DAPK2: variants seen among roughly 807,000 people sequenced by gnomAD.
The protein encoded by DAPK2 is death-associated protein kinase 2.
In DAPK2, 35 loss-of-function variants were observed where a neutral mutation model predicts 44.1. The observed-to-expected ratio is 0.79, with a 90% CI of 0.61 to 1.05. The LOEUF (loss-of-function observed/expected upper bound fraction) is 1.05, where lower values mean the gene tolerates loss of function less well. DAPK2 is among the 50% of genes least tolerant of loss of function. The probability of loss-of-function intolerance (pLI) is 0.00; values close to 1 mark genes in which losing one functional copy is unlikely to be tolerated. For missense variants in DAPK2, 453 were observed against 483.2 expected (o/e 0.94, Z 0.59); for synonymous variants, 174 against 182.6 (o/e 0.95, Z 0.38).
At chr15:63,931,001 G>A (rs542587881) in intron 4 of DAPK2, among the ~76,000 whole-genome samples, 4 of 152,128 alleles carry the variant, frequency 2.6e-5, no homozygotes, top group Admixed American at 6.5e-5. Context: ...GAAGGCTGAC[G>A]CTGCAGTGAG....
chr15:64,025,046 C>G (rs2079799763), intron 1 of DAPK2, among the ~76,000 whole-genome samples: 1 of 152,180 alleles, frequency 6.6e-6, no homozygotes, highest in Middle Eastern at 3.4e-3. Flanking sequence ...AGTAAACCAC[C>G]AAGAGACCCA....
chr15:64,041,038 C>A (rs1385694123), upstream of DAPK2, among the ~76,000 whole-genome samples: 1 of 151,748 alleles, frequency 6.6e-6, no homozygotes, highest in African/African-American at 2.4e-5. Context: ...ACTGTAAAAT[C>A]AACTTCAAGT....
chr15:63,951,479 C>T (rs548266371), intron 3 of DAPK2, among the ~76,000 whole-genome samples: 6 of 152,230 alleles, frequency 3.9e-5, no homozygotes, highest in Non-Finnish European at 8.8e-5. Flanking sequence ...CACCTACCCA[C>T]ATCAGCAGGC....
At chr15:63,914,303 C>T (rs2078870335) in intron 8 of DAPK2, among the ~76,000 whole-genome samples, 1 of 152,094 alleles carries the variant, frequency 6.6e-6, no homozygotes, top group Admixed American at 6.5e-5. Flanking sequence ...AAACCTGGGG[C>T]TATTCACCCT....
intron 3 of DAPK2, among the ~76,000 whole-genome samples, chr15:63,958,073 A>G (rs951806536): frequency 2.0e-5 from 3 of 152,088 alleles, no homozygotes; most frequent in African/African-American, 7.2e-5. Flanking sequence ...ATGGTATCTC[A>G]TTGTGGTTTT....
intron 1 of DAPK2, among the ~76,000 whole-genome samples, chr15:64,005,894 C>A: frequency 6.6e-6 from 1 of 152,026 alleles, no homozygotes; most frequent in Admixed American, 6.6e-5. Context: ...ATTAGCTAGG[C>A]GTGTTGGCAC....
chr15:64,033,325 GA>G (rs747333343), intron 1 of DAPK2, among the ~76,000 whole-genome samples: 1,665 of 137,060 alleles, frequency 0.012, 40 homozygotes, highest in Middle Eastern at 0.045. Flanking sequence ...AGGAAGGAAG[GA>G]AAAAAAAAAT....
rs1282866342 is a variant in DAPK2 at position 63,929,538 on chromosome 15, C to G, written c.659+13G>C. On this transcript the variant is annotated intron_variant, in intron 6 of 10. Transcript: ENST00000261891. ...CTAAGCTGAGCCAGAGCCCCTGGATCAGGGATACTCACAGGATGTAGGTGA... is the reference window on the plus strand; with the variant it reads ...CTAAGCTGAGCCAGAGCCCCTGGATGAGGGATACTCACAGGATGTAGGTGA... 5.6e-6 allele frequency: 9 copies of G among 1,608,158 alleles called. No homozygotes were observed. The African/African-American group carries it at 7.2e-5, about 13-fold the overall frequency.
intron 1 of DAPK2, among the ~76,000 whole-genome samples, chr15:63,997,927 T>C (rs1322182124): frequency 6.6e-6 from 1 of 151,952 alleles, no homozygotes; most frequent in Non-Finnish European, 1.5e-5. Context: ...GCTATGATGA[T>C]TTCATGCACT....
chr15:64,029,771 C>T (rs2079958359), intron 1 of DAPK2: 1 of 152,330 alleles, frequency 6.6e-6, no homozygotes. Context: ...ACACACACAT[C>T]CACACACACC....
intron 3 of DAPK2, among the ~76,000 whole-genome samples, chr15:63,944,145 G>T (rs2140479921): frequency 6.6e-6 from 1 of 152,256 alleles, no homozygotes; most frequent in East Asian, 1.9e-4. Flanking sequence ...CACCCAAGCT[G>T]GGTCTGGATA....
rs28579620 is a variant in DAPK2 at position 63,976,281 on chromosome 15, G to C, written c.315-4720C>G. On this transcript the variant is annotated intron_variant, in intron 2 of 10. Coordinates refer to ENST00000261891, the Ensembl canonical transcript of DAPK2. ...CACTTGCAATGTGGCTAGTGTAATA[G>C]AGGAATTGAATTTTAACTTTTATTT... Among the ~76,000 whole-genome samples the C allele has an allele frequency of 4.4e-3, 673 of 152,314 alleles. 7 individuals carry two copies. Among genetic ancestry groups the C allele is most frequent in the African/African-American group, 0.015 (640 of 41,560 alleles).
Position 63,926,856 on chromosome 15 carries a change from G to T in DAPK2, c.660-763C>A, listed in dbSNP as rs539999430. ...GAGCTAGAAGCACAGGAGTCACCTT[G>T]GACTCTTCTTTCTATTCCCTTGCCA... On this transcript the variant is annotated intron_variant, in intron 6 of 10. Transcript: ENST00000261891. Among the ~76,000 whole-genome samples, 56 of 152,216 alleles carry T rather than the reference G, an allele frequency of 3.7e-4. 1 individual carries two copies. In the South Asian group the frequency reaches 0.011, roughly 31 times the overall value.
Position 64,039,698 on chromosome 15 carries a change from A to T in DAPK2, c.92+472T>A, listed in dbSNP as rs150194978. The stretch of plus-strand genomic sequence containing the variant: ...ATGCACCAGTAACAAAGATCCCAGG[A>T]AAACTTCATGATGGGGCTCGTGTGG... On this transcript the variant is annotated intron_variant, in intron 1 of 10. Coordinates refer to ENST00000261891, the Ensembl canonical transcript of DAPK2. Among the ~76,000 whole-genome samples, 218 of 152,318 alleles carry T rather than the reference A, an allele frequency of 1.4e-3. 1 individual carries two copies. Among genetic ancestry groups the T allele is most frequent in the African/African-American group, 5.1e-3 (214 of 41,570 alleles).
upstream of DAPK2, chr15:64,040,390 G>A: frequency 1.4e-6 from 1 of 725,042 alleles, no homozygotes; most frequent in South Asian, 1.6e-5. Context: ...CACAGCCTTG[G>A]TTCTTCAAGA....
At chr15:64,030,747 C>T (rs73456786) in intron 1 of DAPK2, among the ~76,000 whole-genome samples, 17,253 of 151,922 alleles carry the variant, frequency 0.11, 1,323 homozygotes, top group South Asian at 0.34. Context: ...GCGAAAAGAG[C>T]GCTTGAGGCC....
intron 1 of DAPK2, among the ~76,000 whole-genome samples, chr15:64,006,180 C>T (rs952064933): frequency 2.0e-5 from 3 of 152,154 alleles, no homozygotes; most frequent in South Asian, 2.1e-4. Context: ...GAGTGGTCTC[C>T]GCTCACCACA....
intron 1 of DAPK2, among the ~76,000 whole-genome samples, chr15:64,018,603 A>T (rs1315144904): frequency 6.6e-6 from 1 of 152,062 alleles, no homozygotes; most frequent in Admixed American, 6.6e-5. Context: ...GGGTCCCACA[A>T]CCCAGGCCAC....
chr15:63,948,950 G>A (rs1263700923), intron 3 of DAPK2, among the ~76,000 whole-genome samples: 3 of 152,190 alleles, frequency 2.0e-5, no homozygotes, highest in Non-Finnish European at 4.4e-5. Flanking sequence ...TAATGGAGCT[G>A]AGATTCAAGC....
Sources: gnomAD v4.1 joint callset for allele counts (sites outside exome capture counted in the v4.1 genomes callset) on GRCh38, gnomAD v4.1.1 for gene constraint, MANE v1.5 for transcripts, NCBI Gene and HGNC (gene_info 2026-07-23, HGNC 2026-07-21) for gene names.